TLE6: variants seen among roughly 807,000 people sequenced by gnomAD.
TLE6 encodes the protein TLE family member 6, subcortical maternal complex member.
In TLE6, 72 loss-of-function variants were observed where a neutral mutation model predicts 77.1. The ratio of observed to expected loss-of-function variants is 0.93; its 90% CI spans 0.77 to 1.14. The LOEUF (loss-of-function observed/expected upper bound fraction) is 1.14, where lower values mean the gene tolerates loss of function less well. Ranked by LOEUF, TLE6 falls within the 50% of genes most tolerant of loss-of-function variation. TLE6 has a pLI of 0.00. For missense variants in TLE6, 843 were observed against 747.6 expected (o/e 1.13, Z -1.49); for synonymous variants, 366 against 287.3 (o/e 1.27, Z -2.77).
At chr19:2,994,850 AG>A in intron 16 of TLE6, 49 bp from the exon 17 acceptor site, 1 of 1,078,064 alleles carries the variant, frequency 9.3e-7, no homozygotes. Context: ...GGTGGAGACC[AG>A]GGGTGTGTGA....
intron 11 of TLE6, 145 bp from the exon 12 acceptor site, chr19:2,988,913 CATT>C: frequency 1.0e-6 from 1 of 966,276 alleles, no homozygotes; most frequent in Non-Finnish European, 1.5e-6. Flanking sequence ...ATGAGCAGGA[CATT>C]GAGGGGAGTC....
At chr19:2,984,950 C>T (rs1033992261) in intron 5 of TLE6, among the ~76,000 whole-genome samples, 4 of 151,904 alleles carry the variant, frequency 2.6e-5, no homozygotes, top group South Asian at 2.1e-4. Context: ...GTTGTTTGTT[C>T]GTTTTAAATA....
In TLE6 at chr19:2,993,485, C is replaced by T. The variant is rs1370420830; in HGVS notation, c.1440C>T (p.Ala480=). ...PQEDWVLLGM[A]NGQQWLQSTS... ...AGGACTGGGTGCTGCTGGGCATGGC[C>T]AATGGCCAGCAGTGGCTGCAAAGCA... Residue 480 remains alanine, a synonymous_variant, in exon 15 of 17, where the codon GCC becomes GCT. Coordinates refer to ENST00000246112, the MANE Select transcript of TLE6 (RefSeq NM_001143986.2). 9 of 1,601,508 alleles carry T rather than the reference C, an allele frequency of 5.6e-6. No individual in the cohort carries two copies. The highest frequency in any genetic ancestry group is 2.2e-5 in the South Asian group (2 of 90,648).
intron 13 of TLE6, among the ~76,000 whole-genome samples, chr19:2,991,198 A>G (rs1372895698): frequency 6.6e-6 from 1 of 150,606 alleles, no homozygotes; most frequent in East Asian, 2.0e-4. Context: ...CATCTCTACT[A>G]AAAATACAAA....
At position 2,994,965 on chromosome 19, in the gene TLE6, C is replaced by T. The variant is rs748307848; in HGVS notation, c.1680C>T (p.Gly560=). The T allele has an allele frequency of 3.1e-6, 5 of 1,609,678 alleles. No individual in the cohort carries two copies. In the East Asian group the frequency reaches 1.1e-4, roughly 36 times the overall value. The change falls in exon 17 of 17, where the codon GGC becomes GGT. Residue 560 remains glycine, a synonymous_variant. Coordinates refer to ENST00000246112, the MANE Select transcript of TLE6 (RefSeq NM_001143986.2). ...CCAACAACCGCCTCGTTGTCACAGG[C>T]TCCGGGGAGCACGCCTCCGTGTACC... The part of the protein sequence containing the change: ...VSSNNRLVVT[G]SGEHASVYQI...
chr19:2,991,631 G>T (rs1599170182), intron 13 of TLE6, among the ~76,000 whole-genome samples: 1 of 149,398 alleles, frequency 6.7e-6, no homozygotes, highest in Non-Finnish European at 1.5e-5. Flanking sequence ...GCCAAGGGGA[G>T]GCCCAGGCGG....
intron 2 of TLE6, 59 bp from the exon 3 acceptor site, chr19:2,980,041 G>T (rs1420851738): frequency 6.6e-6 from 9 of 1,364,946 alleles, no homozygotes; most frequent in South Asian, 3.7e-5. Flanking sequence ...GGTGGAGACC[G>T]GGGGTCTTGG....
At chr19:2,988,434 A>G (rs2088966336) in intron 11 of TLE6, among the ~76,000 whole-genome samples, 1 of 152,064 alleles carries the variant, frequency 6.6e-6, no homozygotes, top group Non-Finnish European at 1.5e-5. Context: ...GTCTCTACTA[A>G]AAATACAAAA....
At position 2,989,089 on chromosome 19, in the gene TLE6, G is replaced by T. The variant is rs1335965008; in HGVS notation, c.769G>T (p.Ala257Ser). 2.5e-6 allele frequency: 4 copies of T among 1,614,098 alleles called. No homozygotes were observed. Among genetic ancestry groups the T allele is most frequent in the Non-Finnish European group, 2.5e-6 (3 of 1,180,040 alleles). The change falls in exon 12 of 17, where the codon GCA (alanine) becomes TCA (serine). Residue 257 changes from alanine (A) to serine (S), a missense_variant. Coordinates refer to ENST00000246112, the MANE Select transcript of TLE6 (RefSeq NM_001143986.2). ...ISWDPEDFED[A>S]WKRPDALPGQ... Reference sequence around the variant, plus strand: ...CTGGGACCCTGAGGACTTTGAAGATGCATGGAAGAGGCCAGATGCCTTGCC... The same window carrying T: ...CTGGGACCCTGAGGACTTTGAAGATTCATGGAAGAGGCCAGATGCCTTGCC...
intron 13 of TLE6, 142 bp downstream of exon 13, chr19:2,989,927 T>G: frequency 8.4e-7 from 1 of 1,193,484 alleles, no homozygotes; most frequent in South Asian, 1.5e-5. Flanking sequence ...CAAAACCCCT[T>G]GCCCCCTTGA....
rs752921086 is a variant in TLE6, at chr19:2,989,651, T to C, written c.1110T>C (p.His370=). The stretch of plus-strand genomic sequence containing the variant: ...GGGACCTGGCGGCGCCCTCCCTGCA[T>C]GTGAAGGAGCAGTTGCCCTGTGCAG... ...SVWDLAAPSL[H]VKEQLPCAGL... Residue 370 remains histidine (H), a synonymous_variant, in exon 13 of 17, where the codon CAT becomes CAC. Transcript: ENST00000246112. 1.2e-5 allele frequency: 20 copies of C among 1,614,062 alleles called. No homozygotes were observed. Among genetic ancestry groups the C allele is most frequent in the Middle Eastern group, 1.6e-4 (1 of 6,082 alleles).
chr19:2,981,058 A>G (rs2088787752), intron 3 of TLE6, among the ~76,000 whole-genome samples: 1 of 151,552 alleles, frequency 6.6e-6, no homozygotes, highest in Non-Finnish European at 1.5e-5. Context: ...TTAAAAAAAA[A>G]AAAATTGAAG....
At chr19:2,994,753 G>A (rs897275613) in intron 16 of TLE6, 147 bp from the exon 17 acceptor site, 19 of 488,012 alleles carry the variant, frequency 3.9e-5, no homozygotes, top group Non-Finnish European at 6.6e-5. Flanking sequence ...GCAGCAAGCT[G>A]AGATTGCACC....
chr19:2,979,801 T>G, intron 2 of TLE6, among the ~76,000 whole-genome samples: 1 of 127,846 alleles, frequency 7.8e-6, no homozygotes. Context: ...AAGCCAGGTG[T>G]GTTGCCGGGG....
At chr19:2,991,378 A>G (rs896963971) in intron 13 of TLE6, among the ~76,000 whole-genome samples, 2 of 86,536 alleles carry the variant, frequency 2.3e-5, no homozygotes, top group African/African-American at 1.2e-4. Context: ...AAAAATACGT[A>G]TATATATATA....
chr19:2,986,472 G>C (rs2088913250), intron 5 of TLE6, among the ~76,000 whole-genome samples: 2 of 152,000 alleles, frequency 1.3e-5, no homozygotes, highest in African/African-American at 4.8e-5. Flanking sequence ...CCAGCACTTT[G>C]GGAGGCTGAG....
chr19:2,987,461 G>A (rs2088941078), intron 8 of TLE6, 89 bp downstream of exon 8: 9 of 1,573,420 alleles, frequency 5.7e-6, no homozygotes, highest in Non-Finnish European at 7.9e-6. Context: ...GGGTTCCTGT[G>A]GGATTTGTCT....
rs1568218663 is a variant in TLE6 at position 2,991,860 on chromosome 19, C to G, written c.1262C>G (p.Pro421Arg). 6.2e-7 allele frequency: 1 copy of G among 1,613,788 alleles called. No homozygotes were observed. Among genetic ancestry groups the G allele is most frequent in the Non-Finnish European group, 8.5e-7 (1 of 1,179,966 alleles). Residue 421 changes from proline (P) to arginine (R), a missense_variant, in exon 14 of 17, where the codon CCT (proline) becomes CGT (arginine). By Grantham distance (103) the Pro-to-Arg change is moderately radical (BLOSUM62 -2). Transcript: ENST00000246112. ...QSVVRDLKGY[P>R]DGVKSIVVKG... is the part of the protein sequence containing the mutation. ...CTGGCCAGGGACCTCAAGGGTTATC[C>G]TGATGGAGTCAAGAGTATCGTGGTC...
intron 8 of TLE6, 39 bp from the exon 9 acceptor site, chr19:2,987,685 G>A: frequency 6.2e-6 from 10 of 1,609,606 alleles, no homozygotes; most frequent in Non-Finnish European, 8.5e-6. Flanking sequence ...GTCCTAACAG[G>A]CAGGTCAGCA....
Sources: gnomAD v4.1 joint callset for allele counts (sites outside exome capture counted in the v4.1 genomes callset) on GRCh38, gnomAD v4.1.1 for gene constraint, MANE v1.5 for transcripts, NCBI Gene and HGNC (gene_info 2026-07-23, HGNC 2026-07-21) for gene names.